Variants in RNLS observed in about 807,000 individuals in gnomAD.
RNLS encodes renalase.
A neutral mutation model predicts 39.8 loss-of-function variants in RNLS; 39 were observed. The observed-to-expected ratio is 0.98, with a 90% CI of 0.76 to 1.28. The LOEUF is 1.28. RNLS is among the 50% of genes most tolerant of loss of function. The probability of loss-of-function intolerance (pLI) is 0.00; values close to 1 mark genes in which losing one functional copy is unlikely to be tolerated. For synonymous variants in RNLS, 147 were observed against 150.7 expected (o/e 0.98, Z 0.18); for missense variants, 410 against 413.3 (o/e 0.99, Z 0.07).
chr10:88,330,924 C>T (rs1471403100), intron 5 of RNLS, among the ~76,000 whole-genome samples: 1 of 151,564 alleles, frequency 6.6e-6, no homozygotes, highest in Non-Finnish European at 1.5e-5. Flanking sequence ...AATGATGAAC[C>T]AGAATAGTTA....
chr10:88,409,263 T>G (rs999101334), intron 4 of RNLS, among the ~76,000 whole-genome samples: 3 of 152,024 alleles, frequency 2.0e-5, no homozygotes, highest in African/African-American at 7.3e-5. Context: ...TTAGCCCTAT[T>G]TACCATTTGG....
intron 4 of RNLS, among the ~76,000 whole-genome samples, chr10:88,419,502 C>T (rs1474693836): frequency 1.3e-5 from 2 of 151,978 alleles, no homozygotes; most frequent in Non-Finnish European, 2.9e-5. Context: ...TCAATGTTTT[C>T]TTTTTTTTCC....
intron 4 of RNLS, among the ~76,000 whole-genome samples, chr10:88,451,349 G>A (rs1842350067): frequency 6.6e-6 from 1 of 152,192 alleles, no homozygotes; most frequent in Non-Finnish European, 1.5e-5. Context: ...AGACAACGTG[G>A]TTTGGCTGCC....
intron 4 of RNLS, among the ~76,000 whole-genome samples, chr10:88,403,800 C>T (rs772307187): frequency 1.4e-4 from 21 of 151,328 alleles, no homozygotes; most frequent in Non-Finnish European, 2.8e-4. Flanking sequence ...TTTGCAAGGC[C>T]GATGCAGGAG....
intron 3 of RNLS, among the ~76,000 whole-genome samples, chr10:88,573,651 A>G (rs547559847): frequency 1.3e-5 from 2 of 152,326 alleles, no homozygotes; most frequent in African/African-American, 4.8e-5. Flanking sequence ...ATTTAGAAAC[A>G]TACTCTAGAG....
At chr10:88,297,305 G>A (rs893535349) in intron 6 of RNLS, among the ~76,000 whole-genome samples, 1 of 152,160 alleles carries the variant, frequency 6.6e-6, no homozygotes, top group African/African-American at 2.4e-5. Flanking sequence ...GCCAGCATTT[G>A]TCATCTTCAG....
At chr10:88,266,694 T>TACACAC in the RNLS span, among the ~76,000 whole-genome samples, 1,443 of 134,170 alleles carry the variant, frequency 0.011, 27 homozygotes, top group Admixed American at 0.033. Context: ...TTCTTTTAAA[T>TACACAC]ACACACACAC....
At chr10:88,204,289 G>A in the RNLS span, among the ~76,000 whole-genome samples, 1 of 152,140 alleles carries the variant, frequency 6.6e-6, no homozygotes, top group Non-Finnish European at 1.5e-5. Flanking sequence ...GTACAGATAA[G>A]CGTCGTTCAA....
chr10:88,284,725 G>T lies in RNLS; in HGVS notation c.*629C>A, dbSNP rs139148509. 1.0e-6 allele frequency: 1 copy of T among 985,314 alleles called. No homozygotes were observed. The highest frequency in any genetic ancestry group is 1.7e-5 in the African/African-American group (1 of 57,332). The allele number at this position is 985,314 out of a possible 1,614,324, so 61.0% of individuals were successfully genotyped here. A position where few individuals can be genotyped will look rare whatever the true frequency, so the allele number is the denominator to read the frequency against. Reference sequence around the variant, plus strand: ...GAAAGTTAAAAAGTACTGTGTGGCTGGGAAAATCATGTGGAATCTTATACT... The same window carrying T: ...GAAAGTTAAAAAGTACTGTGTGGCTTGGAAAATCATGTGGAATCTTATACT... On this transcript the variant is annotated 3_prime_UTR_variant, in exon 7 of 7. Transcript: ENST00000331772.
chr10:88,307,872 G>A (rs146364150), intron 6 of RNLS, among the ~76,000 whole-genome samples: 1,813 of 152,020 alleles, frequency 0.012, 36 homozygotes, highest in African/African-American at 0.041. Context: ...AATAGCCACG[G>A]CAATCCTAAG....
intron 4 of RNLS, among the ~76,000 whole-genome samples, chr10:88,533,307 A>G (rs769398148): frequency 2.6e-5 from 4 of 152,110 alleles, no homozygotes; most frequent in Non-Finnish European, 5.9e-5. Context: ...GGCTGAGGAT[A>G]GAATAAAAGG....
intron 4 of RNLS, among the ~76,000 whole-genome samples, chr10:88,493,772 C>T (rs984872068): frequency 6.6e-6 from 1 of 152,102 alleles, no homozygotes; most frequent in African/African-American, 2.4e-5. Flanking sequence ...CAAATCTCAA[C>T]TACTGTGATT....
chr10:88,217,593 G>A, the RNLS span, among the ~76,000 whole-genome samples: 2 of 151,976 alleles, frequency 1.3e-5, no homozygotes, highest in East Asian at 1.9e-4. Flanking sequence ...AAAACAGAGG[G>A]TCTCAGCTAG....
At chr10:88,212,783 G>A in the RNLS span, among the ~76,000 whole-genome samples, 1 of 152,216 alleles carries the variant, frequency 6.6e-6, no homozygotes, top group African/African-American at 2.4e-5. Context: ...ATGACTGTCG[G>A]TTTCCCAGGT....
At chr10:88,572,440 C>T (rs1399397643) in intron 4 of RNLS, among the ~76,000 whole-genome samples, 2 of 152,060 alleles carry the variant, frequency 1.3e-5, no homozygotes, top group African/African-American at 4.8e-5. Context: ...TTTACTCATC[C>T]CCTCTCACCC....
intron 4 of RNLS, among the ~76,000 whole-genome samples, chr10:88,486,296 G>A (rs1844513904): frequency 6.6e-6 from 1 of 152,042 alleles, no homozygotes; most frequent in Non-Finnish European, 1.5e-5. Flanking sequence ...ATACTATCCT[G>A]GAAGTAGGAA....
chr10:88,234,061 C>A, the RNLS span, among the ~76,000 whole-genome samples: 2 of 147,732 alleles, frequency 1.4e-5, no homozygotes, highest in African/African-American at 5.0e-5. Flanking sequence ...AGGAAGTGGG[C>A]GATGGCCCTG....
chr10:88,468,853 C>T (rs1298587955), intron 4 of RNLS, among the ~76,000 whole-genome samples: 1 of 152,140 alleles, frequency 6.6e-6, no homozygotes, highest in Admixed American at 6.6e-5. Context: ...GAACCAAGAA[C>T]TCTTGATGCA....
At chr10:88,372,933 G>T (rs1237581030) in intron 4 of RNLS, among the ~76,000 whole-genome samples, 1 of 151,894 alleles carries the variant, frequency 6.6e-6, no homozygotes, top group Non-Finnish European at 1.5e-5. Context: ...CATTCTTTTT[G>T]TTGGGAAAAA....
Sources: gnomAD v4.1 joint callset for allele counts (sites outside exome capture counted in the v4.1 genomes callset) on GRCh38, gnomAD v4.1.1 for gene constraint, MANE v1.5 for transcripts, NCBI Gene and HGNC (gene_info 2026-07-23, HGNC 2026-07-21) for gene names.